The following TIMM44 variants were observed in gnomAD, a reference collection of about 807,000 sequenced individuals.
TIMM44 encodes the protein translocase of inner mitochondrial membrane 44.
Under a neutral mutation model 63.8 loss-of-function variants are expected in TIMM44, and 37 were observed. That is an observed-to-expected ratio of 0.58 (90% CI 0.45 to 0.76). The LOEUF (loss-of-function observed/expected upper bound fraction) is 0.76. Among genes scored for constraint, TIMM44 ranks in the 30% least tolerant of loss-of-function variants. The probability of loss-of-function intolerance (pLI) is 0.00; values close to 1 mark genes in which losing one functional copy is unlikely to be tolerated. For missense variants in TIMM44, 573 were observed against 603.8 expected (o/e 0.95, Z 0.54); for synonymous variants, 239 against 245.1 (o/e 0.98, Z 0.23).
chr19:7,939,173 A>G (rs1045902844), intron 2 of TIMM44, among the ~76,000 whole-genome samples: 3 of 152,156 alleles, frequency 2.0e-5, no homozygotes, highest in African/African-American at 7.2e-5. Flanking sequence ...CATCCTGTCA[A>G]TTGTGACAGA....
intron 10 of TIMM44, chr19:7,928,923 C>CAAAAAAAAAAAAAA (rs758167153): frequency 3.4e-4 from 24 of 70,078 alleles, no homozygotes; most frequent in Non-Finnish European, 4.1e-4. Flanking sequence ...AACAAAAAAC[C>CAAAAAAAAAAAAAA]AAAAAAAAAA....
chr19:7,927,073 C>G lies in TIMM44; in HGVS notation c.*114G>C. 6.9e-7 allele frequency: 1 copy of G among 1,457,402 alleles called. No homozygotes were observed. Among genetic ancestry groups the G allele is most frequent in the Non-Finnish European group, 9.3e-7 (1 of 1,078,332 alleles). 90.3% of individuals were successfully genotyped at this position (1,457,402 alleles called of 1,614,324 possible). A position where few individuals can be genotyped will look rare whatever the true frequency, so the allele number is the denominator to read the frequency against. ...TGGTCTTGCAGCCGTCCTGGCAGAG[C>G]TGGGGGCAGAGCCCGCAGTCTTGTT... On this transcript the variant is annotated 3_prime_UTR_variant, in exon 13 of 13. Coordinates refer to ENST00000270538, the MANE Select transcript of TIMM44 (RefSeq NM_006351.4).
rs1212797113 is a variant in TIMM44, at chr19:7,938,078, C to G, written c.261G>C (p.Glu87Asp). 1 of 1,614,102 alleles carries G rather than the reference C, an allele frequency of 6.2e-7. No homozygotes were observed. Among genetic ancestry groups the G allele is most frequent in the African/African-American group, 1.3e-5 (1 of 75,020 alleles). The change falls in exon 3 of 13, where the codon GAG becomes GAC. Residue 87 changes from glutamate to aspartate, a missense_variant. Transcript: ENST00000270538. ...MKESIKKFRD[E>D]ARRLEESDVL... ...CGTCTGATTCTTCTAGCCTTCTGGC[C>G]TCGTCACGGAATTTTTTTATACTTT...
At chr19:7,930,303 CTTTTTT>C (rs71179159) in intron 10 of TIMM44, among the ~76,000 whole-genome samples, 4 of 109,480 alleles carry the variant, frequency 3.7e-5, no homozygotes, top group Admixed American at 9.9e-5. Flanking sequence ...ATGCTTGGCT[CTTTTTT>C]TTTTTTTTTT....
chr19:7,938,701 G>A (rs1464584198), intron 2 of TIMM44, among the ~76,000 whole-genome samples: 1 of 152,138 alleles, frequency 6.6e-6, no homozygotes, highest in Non-Finnish European at 1.5e-5. Flanking sequence ...CAGCTCCTCA[G>A]AAGGCTGAGG....
At position 7,934,931 on chromosome 19, in the gene TIMM44, G is replaced by A. The variant is rs989856295; in HGVS notation, c.393+134C>T. ...TGCCGGGAACTCCTGAAACCTTCCC[G>A]AGGGTGGCAGCACGCCCCATGCCAC... On this transcript the variant is annotated intron_variant, in intron 4 of 12. Transcript: ENST00000270538. The surrounding 1 kb of genome is among the most constrained non-coding windows in gnomAD (Gnocchi z 5.3). The A allele has an allele frequency of 7.5e-5, 59 of 782,670 alleles. 1 individual carries two copies. Among genetic ancestry groups the A allele is most frequent in the Middle Eastern group, 3.4e-4 (1 of 2,912 alleles). The allele number at this position is 782,670 out of a possible 1,614,324, so 48.5% of individuals were successfully genotyped here. A position where few individuals can be genotyped will look rare whatever the true frequency, so the allele number is the denominator to read the frequency against.
chr19:7,941,139 G>A lies in TIMM44; in HGVS notation c.104C>T (p.Thr35Ile), dbSNP rs1984298757. ...LSSHNLPHGS[T>I]YQMRRPGGEL... The stretch of plus-strand genomic sequence containing the variant: ...TCCGCCCGGCCGGCGCATCTGATAG[G>A]TCGACCCATGGGGTAGGTTGTGGCT... The change falls in exon 2 of 13, where the codon ACC becomes ATC. Residue 35 changes from threonine (T) to isoleucine (I), a missense_variant. Coordinates refer to ENST00000270538, the MANE Select transcript of TIMM44 (RefSeq NM_006351.4). The A allele has an allele frequency of 1.2e-6, 2 of 1,614,154 alleles. No homozygotes were observed. Among genetic ancestry groups the A allele is most frequent in the Non-Finnish European group, 1.7e-6 (2 of 1,180,032 alleles).
At chr19:7,942,281 C>T (rs1599653164) in intron 1 of TIMM44, among the ~76,000 whole-genome samples, 1 of 152,064 alleles carries the variant, frequency 6.6e-6, no homozygotes, top group East Asian at 1.9e-4. Flanking sequence ...TGCAGTGAGC[C>T]GAGATCTTGC....
intron 3 of TIMM44, among the ~76,000 whole-genome samples, chr19:7,937,070 C>G (rs1258372149): frequency 6.6e-6 from 1 of 151,766 alleles, no homozygotes; most frequent in African/African-American, 2.4e-5. Flanking sequence ...CCACTGCACT[C>G]CAGCCTGGGC....
intron 9 of TIMM44, chr19:7,932,362 C>T: frequency 1.9e-6 from 1 of 536,592 alleles, no homozygotes; most frequent in Non-Finnish European, 3.3e-6. Flanking sequence ...CTCCCAGCAA[C>T]CTCAAAGGAA....
At chr19:7,935,291 G>A (rs777378073) in intron 3 of TIMM44, 146 bp from the exon 4 acceptor site, 9 of 722,218 alleles carry the variant, frequency 1.2e-5, no homozygotes, top group South Asian at 3.2e-5. Context: ...CCAGCCTCCC[G>A]AGTAGCTGGG....
chr19:7,941,723 CGT>C (rs1399641967), intron 1 of TIMM44, among the ~76,000 whole-genome samples: 1 of 152,016 alleles, frequency 6.6e-6, no homozygotes, highest in Non-Finnish European at 1.5e-5. Flanking sequence ...CATCTATCCT[CGT>C]GCCCCTGAAA....
intron 9 of TIMM44, 86 bp downstream of exon 9, chr19:7,932,541 C>T: frequency 1.9e-6 from 3 of 1,572,452 alleles, no homozygotes; most frequent in Non-Finnish European, 1.7e-6. Flanking sequence ...AGTTCCCTGG[C>T]AGCACCCAGG....
At chr19:7,929,483 G>C (rs1009477312) in intron 10 of TIMM44, among the ~76,000 whole-genome samples, 2 of 152,214 alleles carry the variant, frequency 1.3e-5, no homozygotes, top group African/African-American at 4.8e-5. Context: ...GCGGCCCCGG[G>C]TCACCGATGA....
In TIMM44 at chr19:7,935,112, C is replaced by T. The variant is rs373727371; in HGVS notation, c.346G>A (p.Glu116Lys). 63 of 1,613,502 alleles carry T rather than the reference C, an allele frequency of 3.9e-5. No homozygotes were observed. In the Middle Eastern group the frequency reaches 4.9e-4, roughly 13 times the overall value. The change falls in exon 4 of 13, where the codon GAG (glutamate) becomes AAG (lysine). Residue 116 changes from glutamate (E) to lysine (K), a missense_variant. Glu to Lys is a moderately conservative substitution (Grantham distance 56). Coordinates refer to ENST00000270538, the MANE Select transcript of TIMM44 (RefSeq NM_006351.4). ...TCCCCAAGCTTCTTCCGTAGCACCTCGCTCGTCCGCACGGTTTCTGACTCG... is the reference window on the plus strand; with the variant it reads ...TCCCCAAGCTTCTTCCGTAGCACCTTGCTCGTCCGCACGGTTTCTGACTCG... Reference protein sequence around the residue: ...TIESETVRTSEVLRKKLGELT... With the variant: ...TIESETVRTSKVLRKKLGELT...
chr19:7,941,342 C>T (rs572573945), intron 1 of TIMM44, 145 bp from the exon 2 acceptor site: 4 of 683,214 alleles, frequency 5.9e-6, no homozygotes, highest in Non-Finnish European at 1.1e-5. Context: ...GGCTAGAGTG[C>T]AGTGCTGCGA....
chr19:7,942,969 G>A (rs1182176964), intron 1 of TIMM44, among the ~76,000 whole-genome samples: 1 of 149,670 alleles, frequency 6.7e-6, no homozygotes, highest in African/African-American at 2.5e-5. Context: ...GGCAGAAGGA[G>A]GCAGAAGTTG....
rs986813807 is a variant in TIMM44 at position 7,932,517 on chromosome 19, A to G, written c.987+110T>C. On this transcript the variant is annotated intron_variant, in intron 9 of 12. Coordinates refer to ENST00000270538, the MANE Select transcript of TIMM44 (RefSeq NM_006351.4). ...TGTGCAACCAGCCTCCTCAGAAAACAGCCTCGGCAGCAGAGTTCCCTGGCA... is the reference window on the plus strand; with the variant it reads ...TGTGCAACCAGCCTCCTCAGAAAACGGCCTCGGCAGCAGAGTTCCCTGGCA... The G allele has an allele frequency of 4.7e-6, 7 of 1,488,538 alleles. No homozygotes were observed. The African/African-American group carries it at 8.3e-5, about 18-fold the overall frequency. The allele number at this position is 1,488,538 out of a possible 1,614,324, so 92.2% of individuals were successfully genotyped here. A position where few individuals can be genotyped will look rare whatever the true frequency, so the allele number is the denominator to read the frequency against.
At chr19:7,932,797 C>T (rs1237678112) in intron 8 of TIMM44, 43 bp downstream of exon 8, 12 of 1,614,056 alleles carry the variant, frequency 7.4e-6, no homozygotes, top group African/African-American at 2.7e-5. Flanking sequence ...CCGGGGACCC[C>T]GCCCCACCAC....
Sources: allele counts gnomAD v4.1 joint callset (sites outside exome capture counted in the v4.1 genomes callset), GRCh38; gene constraint gnomAD v4.1.1; non-coding constraint Gnocchi (gnomAD v3.1); transcripts MANE v1.5; gene names NCBI Gene and HGNC (gene_info 2026-07-23, HGNC 2026-07-21).